NALF1: variants seen among roughly 807,000 people sequenced by gnomAD.
The protein encoded by NALF1 is NALCN channel auxiliary factor 1, also known as family with sequence similarity 155 member A.
A neutral mutation model predicts 48.4 loss-of-function variants in NALF1; 3 were observed. That is an observed-to-expected ratio of 0.06 (90% CI 0.03 to 0.16). NALF1 has a LOEUF of 0.16. Ranked by LOEUF, NALF1 falls within the 10% of genes least tolerant of loss-of-function variation. The pLI, the probability that NALF1 is intolerant of heterozygous loss-of-function variation, is 1.00. For missense variants in NALF1, 526 were observed against 571.5 expected, an observed-to-expected ratio of 0.92 and a Z score of 0.81; for synonymous variants, 262 against 245.7, an observed-to-expected ratio of 1.07 and a Z score of -0.62.
At chr13:107,414,943 C>T (rs1884060271) in intron 1 of NALF1, among the ~76,000 whole-genome samples, 2 of 151,758 alleles carry the variant, frequency 1.3e-5, no homozygotes, top group Admixed American at 1.3e-4. Flanking sequence ...TACCCTTGCA[C>T]AGTGTTCTAG....
intron 1 of NALF1, among the ~76,000 whole-genome samples, chr13:107,215,589 G>A (rs576031087): frequency 2.0e-4 from 30 of 152,296 alleles, no homozygotes; most frequent in Non-Finnish European, 3.4e-4. Context: ...CTGATTACGG[G>A]GAGTGATGTG....
intron 1 of NALF1, among the ~76,000 whole-genome samples, chr13:107,510,545 T>C (rs947028898): frequency 6.6e-6 from 1 of 152,222 alleles, no homozygotes; most frequent in Admixed American, 6.5e-5. Flanking sequence ...CCACATTACA[T>C]ACTTTAAAAC....
At chr13:107,259,951 C>A (rs2138853294) in intron 1 of NALF1, among the ~76,000 whole-genome samples, 1 of 152,304 alleles carries the variant, frequency 6.6e-6, no homozygotes, top group South Asian at 2.1e-4. Context: ...GCTTTACTGT[C>A]ATTACTTGGT....
chr13:107,396,522 C>A (rs958853201), intron 1 of NALF1, among the ~76,000 whole-genome samples: 2 of 152,078 alleles, frequency 1.3e-5, no homozygotes, highest in Non-Finnish European at 2.9e-5. Flanking sequence ...TAAAGCACTC[C>A]GGGGGACTGA....
chr13:107,543,788 T>A (rs1877061150), intron 1 of NALF1, among the ~76,000 whole-genome samples: 1 of 151,992 alleles, frequency 6.6e-6, no homozygotes, highest in Non-Finnish European at 1.5e-5. Context: ...TGTATATGTG[T>A]ATATATACAC....
At chr13:107,209,707 AT>A (rs1879720279) in intron 2 of NALF1, among the ~76,000 whole-genome samples, 3 of 152,142 alleles carry the variant, frequency 2.0e-5, no homozygotes, top group Admixed American at 2.0e-4. Context: ...TCAGAAGAGC[AT>A]TTTCATGTGT....
intron 2 of NALF1, among the ~76,000 whole-genome samples, chr13:107,174,907 G>A (rs1452340087): frequency 6.7e-6 from 1 of 150,010 alleles, no homozygotes; most frequent in Non-Finnish European, 1.5e-5. Flanking sequence ...TTTTTGAGAC[G>A]GAGTCTCGCT....
In NALF1 at chr13:107,717,708, A is replaced by C. The variant is rs547408806; in HGVS notation, c.915+147974T>G. Among the ~76,000 whole-genome samples, 4 of 152,254 alleles carry C rather than the reference A, an allele frequency of 2.6e-5. No homozygotes were observed. The South Asian group carries it at 8.3e-4, about 32-fold the overall frequency. On this transcript the variant is annotated intron_variant, in intron 1 of 2. Coordinates refer to ENST00000375915, the MANE Select transcript of NALF1 (RefSeq NM_001080396.3). ...GGAAGGTTTTTACCTTCTGAAAGCC[A>C]GGAGTGGGGAAAGTAAGGCAGCACC...
chr13:107,789,982 A>G (rs1294684179), intron 1 of NALF1, among the ~76,000 whole-genome samples: 3 of 152,212 alleles, frequency 2.0e-5, no homozygotes, highest in Non-Finnish European at 2.9e-5. Context: ...TCCCTTGTAC[A>G]CTGTACACAA....
Position 107,602,795 on chromosome 13 carries a change from C to T in NALF1, c.915+262887G>A, listed in dbSNP as rs16970813. Among the ~76,000 whole-genome samples, 3,132 of 152,276 alleles carry T rather than the reference C, an allele frequency of 0.021. 217 individuals carry two copies. In the East Asian group the frequency reaches 0.26, roughly 13 times the overall value. ...GATCCATCCACCTTGCCAACGCCAT[C>T]GATAGCCTTGCAGGACCAATAAGCA... On this transcript the variant is annotated intron_variant, in intron 1 of 2. Coordinates refer to ENST00000375915, the MANE Select transcript of NALF1 (RefSeq NM_001080396.3).
intron 1 of NALF1, among the ~76,000 whole-genome samples, chr13:107,415,686 G>A (rs903683652): frequency 1.3e-5 from 2 of 152,184 alleles, no homozygotes; most frequent in Admixed American, 1.3e-4. Context: ...GGGCCTCAGA[G>A]TTATCTGTCC....
chr13:107,469,842 C>CA (rs1885070208), intron 1 of NALF1, among the ~76,000 whole-genome samples: 1 of 142,960 alleles, frequency 7.0e-6, no homozygotes, highest in Non-Finnish European at 1.5e-5. Context: ...CTCCCAGGTT[C>CA]ATGCCATTCT....
At chr13:107,519,689 A>C (rs1876174475) in intron 1 of NALF1, among the ~76,000 whole-genome samples, 1 of 152,230 alleles carries the variant, frequency 6.6e-6, no homozygotes, top group Non-Finnish European at 1.5e-5. Flanking sequence ...ATATCAAAAC[A>C]TTAAATGAAA....
intron 1 of NALF1, among the ~76,000 whole-genome samples, chr13:107,487,064 C>A (rs902290080): frequency 6.6e-6 from 1 of 152,134 alleles, no homozygotes; most frequent in African/African-American, 2.4e-5. Context: ...CAGCTTCTGT[C>A]TGTGTGTCCC....
At chr13:107,844,732 T>G (rs1594310141) in intron 1 of NALF1, among the ~76,000 whole-genome samples, 2 of 152,182 alleles carry the variant, frequency 1.3e-5, no homozygotes, top group Admixed American at 1.3e-4. Flanking sequence ...ACTTTTTCCC[T>G]AGTTCAAACA....
chr13:107,442,284 C>A (rs149462763), intron 1 of NALF1, among the ~76,000 whole-genome samples: 8 of 152,262 alleles, frequency 5.3e-5, no homozygotes, highest in Middle Eastern at 3.4e-3. Flanking sequence ...AGAATTCAGA[C>A]AGTAATTTTG....
At chr13:107,374,677 T>C (rs1211365434) in intron 1 of NALF1, among the ~76,000 whole-genome samples, 1 of 152,024 alleles carries the variant, frequency 6.6e-6, no homozygotes, top group African/African-American at 2.4e-5. Flanking sequence ...AGCAACAGTG[T>C]TGGGAGGCGG....
At chr13:107,459,734 C>T (rs144842051) in intron 1 of NALF1, among the ~76,000 whole-genome samples, 4 of 152,032 alleles carry the variant, frequency 2.6e-5, no homozygotes, top group Admixed American at 6.6e-5. Flanking sequence ...TGTCATGCTT[C>T]TTATTTTTTA....
chr13:107,625,512 T>C lies in NALF1; in HGVS notation c.915+240170A>G, dbSNP rs969492852. Among the ~76,000 whole-genome samples the C allele has an allele frequency of 8.9e-4, 136 of 152,144 alleles. 1 individual carries two copies. The highest frequency in any genetic ancestry group is 8.8e-3 in the Admixed American group (134 of 15,268). On this transcript the variant is annotated intron_variant, in intron 1 of 2. Coordinates refer to ENST00000375915, the MANE Select transcript of NALF1 (RefSeq NM_001080396.3). Reference sequence around the variant, plus strand: ...ATTTCCCATCTTTCATGTCTATATATGTTAGTGCTGCATTTTATGTGAGGC... The same window carrying C: ...ATTTCCCATCTTTCATGTCTATATACGTTAGTGCTGCATTTTATGTGAGGC...
Sources: allele counts gnomAD v4.1 joint callset (sites outside exome capture counted in the v4.1 genomes callset), GRCh38; gene constraint gnomAD v4.1.1; transcripts MANE v1.5; gene names NCBI Gene and HGNC (gene_info 2026-07-23, HGNC 2026-07-21).